The following SPAG6 variants were observed in gnomAD, a reference collection of about 807,000 sequenced individuals.
The protein encoded by SPAG6 is sperm-associated antigen 6.
Under a neutral mutation model 58.5 loss-of-function variants are expected in SPAG6, and 49 were observed. The observed-to-expected ratio is 0.84, with a 90% CI of 0.67 to 1.06. The LOEUF (loss-of-function observed/expected upper bound fraction) is 1.06, where lower values mean the gene tolerates loss of function less well. SPAG6 is among the 50% of genes least tolerant of loss of function. SPAG6 has a pLI of 0.00. For synonymous variants in SPAG6, 233 were observed against 225.6 expected (o/e 1.03, Z -0.29); for missense variants, 560 against 611.3 (o/e 0.92, Z 0.89).
At chr10:22,379,020 G>C (rs1833888479) in intron 4 of SPAG6, among the ~76,000 whole-genome samples, 1 of 152,094 alleles carries the variant, frequency 6.6e-6, no homozygotes, top group Non-Finnish European at 1.5e-5. Context: ...CATGTGTTAG[G>C]GTTAAACTAA....
rs955957554 is a variant in SPAG6 at position 22,417,534 on chromosome 10, A to G, written c.*846A>G. On this transcript the variant is annotated 3_prime_UTR_variant, in exon 11 of 11. Coordinates refer to ENST00000376624, the MANE Select transcript of SPAG6 (RefSeq NM_012443.4). ...TTGAAGCTAATACCATCAGGCTCAG[A>G]GTTTACATGCATTTTTACTTAGGAA... 6.6e-6 allele frequency: 1 copy of G among 152,228 alleles called. No homozygotes were observed. Among genetic ancestry groups the G allele is most frequent in the Admixed American group, 6.5e-5 (1 of 15,276 alleles). The allele number at this position is 152,228 out of a possible 1,614,324, so 9.4% of individuals were successfully genotyped here.
intron 4 of SPAG6, among the ~76,000 whole-genome samples, chr10:22,383,433 T>C (rs750180672): frequency 6.7e-6 from 1 of 150,156 alleles, no homozygotes; most frequent in Non-Finnish European, 1.5e-5. Context: ...AGGTCAGGAG[T>C]TCAAGACCAG....
At chr10:22,398,924 T>G (rs1415985164) in intron 8 of SPAG6, among the ~76,000 whole-genome samples, 1 of 152,106 alleles carries the variant, frequency 6.6e-6, no homozygotes, top group Non-Finnish European at 1.5e-5. Context: ...GTTCAAGCGA[T>G]TCTCCTGCCT....
At chr10:22,370,082 T>A (rs546519238) in intron 4 of SPAG6, among the ~76,000 whole-genome samples, 8 of 152,306 alleles carry the variant, frequency 5.3e-5, no homozygotes, top group South Asian at 2.1e-4. Context: ...ATTATGAACC[T>A]ACATGGTAAC....
intron 9 of SPAG6, among the ~76,000 whole-genome samples, chr10:22,408,202 AG>A (rs1834611168): frequency 7.1e-6 from 1 of 141,172 alleles, no homozygotes. Flanking sequence ...CCTTTGGAGG[AG>A]AGGCGCTCTG....
intron 8 of SPAG6, among the ~76,000 whole-genome samples, chr10:22,394,886 T>C (rs1834259008): frequency 6.6e-6 from 1 of 152,038 alleles, no homozygotes; most frequent in African/African-American, 2.4e-5. Flanking sequence ...AATTTTTTCT[T>C]TTTTTGGAGA....
chr10:22,396,189 C>T (rs1834288390), intron 8 of SPAG6, among the ~76,000 whole-genome samples: 1 of 152,180 alleles, frequency 6.6e-6, no homozygotes, highest in Non-Finnish European at 1.5e-5. Flanking sequence ...TCTGTGTCCC[C>T]AGCCAAATCT....
intron 2 of SPAG6, among the ~76,000 whole-genome samples, chr10:22,361,994 A>G (rs1316793976): frequency 1.4e-5 from 2 of 146,936 alleles, no homozygotes; most frequent in African/African-American, 4.9e-5. Context: ...ATAAATAAAT[A>G]TATATATTTA....
chr10:22,363,089 T>C (rs910338758), intron 2 of SPAG6, among the ~76,000 whole-genome samples: 2 of 152,188 alleles, frequency 1.3e-5, no homozygotes, highest in Non-Finnish European at 2.9e-5. Flanking sequence ...TTCTTAGTGG[T>C]GATGTTCACG....
At chr10:22,356,339 A>G (rs569393159) in intron 2 of SPAG6, among the ~76,000 whole-genome samples, 1 of 152,232 alleles carries the variant, frequency 6.6e-6, no homozygotes, top group African/African-American at 2.4e-5. Context: ...TGTGAACGGC[A>G]TTCCTTCGAT....
At chr10:22,356,695 G>C (rs1313478443) in intron 2 of SPAG6, among the ~76,000 whole-genome samples, 1 of 152,178 alleles carries the variant, frequency 6.6e-6, no homozygotes, top group Non-Finnish European at 1.5e-5. Context: ...CCAATAATCA[G>C]TTTGTCTTCT....
chr10:22,401,082 C>T, intron 8 of SPAG6, 79 bp from the exon 9 acceptor site: 1 of 718,966 alleles, frequency 1.4e-6, no homozygotes, highest in East Asian at 2.6e-5. Context: ...TTTTGAAATT[C>T]CAGGAATGTC....
chr10:22,355,891 T>C (rs998391105), intron 2 of SPAG6, among the ~76,000 whole-genome samples: 1 of 152,096 alleles, frequency 6.6e-6, no homozygotes, highest in African/African-American at 2.4e-5. Context: ...GTGAAGGAAA[T>C]GAGAACATGT....
At chr10:22,384,816 A>T (rs1473987648) in intron 4 of SPAG6, among the ~76,000 whole-genome samples, 1 of 152,208 alleles carries the variant, frequency 6.6e-6, no homozygotes, top group Non-Finnish European at 1.5e-5. Context: ...ACATTATGTT[A>T]TTCTAAGGAA....
At chr10:22,401,129 A>G (rs1469732033) in intron 8 of SPAG6, 32 bp from the exon 9 acceptor site, 1 of 946,638 alleles carries the variant, frequency 1.1e-6, no homozygotes, top group Non-Finnish European at 1.7e-6. Flanking sequence ...TTGATTACTT[A>G]CTTATGTATA....
intron 4 of SPAG6, among the ~76,000 whole-genome samples, chr10:22,374,815 C>T (rs1439867051): frequency 6.6e-6 from 1 of 151,564 alleles, no homozygotes; most frequent in Non-Finnish European, 1.5e-5. Context: ...CTTTTTTGTA[C>T]AGTGGCAAAA....
intron 2 of SPAG6, among the ~76,000 whole-genome samples, chr10:22,349,235 A>G (rs1245592122): frequency 6.6e-6 from 1 of 151,560 alleles, no homozygotes; most frequent in Non-Finnish European, 1.5e-5. Context: ...TTTTTTCCTC[A>G]CTGAGGTTTT....
At chr10:22,348,002 C>CTTTCTTTCTTTCTTT (rs149307597) in intron 2 of SPAG6, among the ~76,000 whole-genome samples, 1 of 151,756 alleles carries the variant, frequency 6.6e-6, no homozygotes, top group African/African-American at 2.4e-5. Context: ...ACTTTTCTTT[C>CTTTCTTTCTTTCTTT]TTTCTTTGAG....
chr10:22,400,012 A>G (rs892588194), intron 8 of SPAG6, among the ~76,000 whole-genome samples: 3 of 152,208 alleles, frequency 2.0e-5, no homozygotes, highest in African/African-American at 4.8e-5. Context: ...ATAAGAGGCT[A>G]TGCAAGACTG....
Sources: gnomAD v4.1 joint callset for allele counts (sites outside exome capture counted in the v4.1 genomes callset) on GRCh38, gnomAD v4.1.1 for gene constraint, MANE v1.5 for transcripts, NCBI Gene and HGNC (gene_info 2026-07-23, HGNC 2026-07-21) for gene names.